Variants in WWOX observed in about 807,000 individuals in gnomAD.
The protein encoded by WWOX is WW domain containing oxidoreductase, also known as WW domain-containing oxidoreductase.
In WWOX, 69 loss-of-function variants were observed where a neutral mutation model predicts 46.2. The observed-to-expected ratio is 1.49, with a 90% CI of 1.23 to 1.82. WWOX has a LOEUF of 1.82. WWOX is among the 40% of genes most tolerant of loss of function. WWOX has a pLI of 0.00. For missense variants in WWOX, 919 were observed against 542.6 expected (o/e 1.69, Z -6.89); for synonymous variants, 359 against 202.6 (o/e 1.77, Z -6.56).
intron 5 of WWOX, among the ~76,000 whole-genome samples, chr16:78,365,793 C>T (rs867634380): frequency 2.6e-5 from 4 of 152,192 alleles, no homozygotes; most frequent in Admixed American, 6.5e-5. Context: ...TCCTCTATGG[C>T]TCCCCCCACC....
At chr16:78,654,694 C>T (rs1197359970) in intron 8 of WWOX, among the ~76,000 whole-genome samples, 1 of 151,704 alleles carries the variant, frequency 6.6e-6, no homozygotes, top group African/African-American at 2.4e-5. Flanking sequence ...ATTACATATC[C>T]AGTATGAAAC....
chr16:78,373,149 G>A (rs571372508), intron 5 of WWOX, among the ~76,000 whole-genome samples: 39 of 152,204 alleles, frequency 2.6e-4, no homozygotes, highest in African/African-American at 9.4e-4. Context: ...GCAGCGTGGA[G>A]CAGCCAGCAC....
chr16:78,375,828 G>T (rs1296556590), intron 5 of WWOX, among the ~76,000 whole-genome samples: 1 of 150,092 alleles, frequency 6.7e-6, no homozygotes, highest in Non-Finnish European at 1.5e-5. Flanking sequence ...TATTACCGGA[G>T]AAACAATGAG....
At chr16:78,705,267 T>C (rs776798340) in intron 8 of WWOX, among the ~76,000 whole-genome samples, 11 of 152,232 alleles carry the variant, frequency 7.2e-5, no homozygotes, top group African/African-American at 2.7e-4. Context: ...TGTTTACATT[T>C]ATCAAATGTT....
chr16:78,689,200 T>G (rs1426960827), intron 8 of WWOX, among the ~76,000 whole-genome samples: 1 of 152,152 alleles, frequency 6.6e-6, no homozygotes, highest in Non-Finnish European at 1.5e-5. Flanking sequence ...CAGCCCAAAA[T>G]GGCAGTAGTG....
intron 8 of WWOX, among the ~76,000 whole-genome samples, chr16:78,473,221 C>G (rs1024089685): frequency 6.6e-6 from 1 of 152,194 alleles, no homozygotes. Flanking sequence ...CCTGCATCTC[C>G]CACGTTCAAG....
At chr16:78,766,009 C>G (rs902581571) in intron 8 of WWOX, among the ~76,000 whole-genome samples, 1 of 152,148 alleles carries the variant, frequency 6.6e-6, no homozygotes, top group Non-Finnish European at 1.5e-5. Context: ...TGGAGAGACC[C>G]AAGTCTGCAC....
At chr16:78,300,960 C>G (rs1201322251) in intron 5 of WWOX, among the ~76,000 whole-genome samples, 1 of 151,988 alleles carries the variant, frequency 6.6e-6, no homozygotes, top group African/African-American at 2.4e-5. Context: ...ACCCACTTAC[C>G]CATCCATCCA....
chr16:78,798,849 G>A (rs965205485), intron 8 of WWOX, among the ~76,000 whole-genome samples: 1 of 152,288 alleles, frequency 6.6e-6, no homozygotes, highest in East Asian at 1.9e-4. Context: ...TGCGGCCAAT[G>A]TCAGGACTGA....
At chr16:78,684,282 C>G (rs938607066) in intron 8 of WWOX, among the ~76,000 whole-genome samples, 1 of 152,152 alleles carries the variant, frequency 6.6e-6, no homozygotes, top group African/African-American at 2.4e-5. Flanking sequence ...TGCGGTCTGT[C>G]CAGGTGTACT....
rs1286418734 is a variant in WWOX, at chr16:78,570,706, A to C, written c.1056+137954A>C. ...TGAACCCCAGACAAGCCAGGTTTAC[A>C]GAGTGTGCATTTCAGTGGGGGAGCC... On this transcript the variant is annotated intron_variant, in intron 8 of 8. Coordinates refer to ENST00000566780, the MANE Select transcript of WWOX (RefSeq NM_016373.4). Among the ~76,000 whole-genome samples, 3 of 152,228 alleles carry C rather than the reference A, an allele frequency of 2.0e-5. 1 individual carries two copies. The highest frequency in any genetic ancestry group is 1.3e-4 in the Admixed American group (2 of 15,284).
At chr16:78,756,746 CTAAGTTGGGG>C (rs2049658692) in intron 8 of WWOX, among the ~76,000 whole-genome samples, 2 of 152,040 alleles carry the variant, frequency 1.3e-5, no homozygotes, top group Non-Finnish European at 2.9e-5. Flanking sequence ...AGAATCAAAC[CTAAGTTGGGG>C]AATGTGGCCT....
At chr16:79,086,790 G>T (rs1459712253) in intron 8 of WWOX, among the ~76,000 whole-genome samples, 1 of 152,208 alleles carries the variant, frequency 6.6e-6, no homozygotes, top group African/African-American at 2.4e-5. Context: ...GGCTAAGGCA[G>T]GAGGACTGCT....
chr16:78,882,331 A>G (rs1353298992), intron 8 of WWOX, among the ~76,000 whole-genome samples: 1 of 152,158 alleles, frequency 6.6e-6, no homozygotes, highest in Non-Finnish European at 1.5e-5. Context: ...AGGTTCAGAG[A>G]AGTTAAGCGA....
chr16:78,834,246 G>C (rs1011210077), intron 8 of WWOX, among the ~76,000 whole-genome samples: 6 of 152,164 alleles, frequency 3.9e-5, no homozygotes. Flanking sequence ...AGCAAACATG[G>C]AGAGGCCCAA....
intron 8 of WWOX, among the ~76,000 whole-genome samples, chr16:78,816,314 A>T (rs1176797090): frequency 1.3e-5 from 2 of 151,964 alleles, no homozygotes; most frequent in Non-Finnish European, 2.9e-5. Flanking sequence ...TGTTCACTTC[A>T]TTTTTTCCTG....
intron 8 of WWOX, among the ~76,000 whole-genome samples, chr16:78,621,375 C>T (rs948388209): frequency 2.0e-5 from 3 of 151,950 alleles, no homozygotes; most frequent in Admixed American, 2.0e-4. Flanking sequence ...CTGCTGCTGT[C>T]TTACCTCCTC....
intron 8 of WWOX, among the ~76,000 whole-genome samples, chr16:78,659,550 A>AT: frequency 6.6e-6 from 1 of 152,292 alleles, no homozygotes; most frequent in South Asian, 2.1e-4. Context: ...AAGAAAAAAA[A>AT]ACCTTTCGAG....
intron 8 of WWOX, among the ~76,000 whole-genome samples, chr16:79,125,902 T>G (rs1470312267): frequency 6.6e-6 from 1 of 152,230 alleles, no homozygotes; most frequent in Non-Finnish European, 1.5e-5. Context: ...GTGGTTTCTT[T>G]ACTATCTGTC....
Sources: allele counts gnomAD v4.1 joint callset (sites outside exome capture counted in the v4.1 genomes callset), GRCh38; gene constraint gnomAD v4.1.1; transcripts MANE v1.5; gene names NCBI Gene and HGNC (gene_info 2026-07-23, HGNC 2026-07-21).